The following HDAC9 variants were observed in gnomAD, a reference collection of about 807,000 sequenced individuals.
HDAC9 encodes histone deacetylase 9.
A neutral mutation model predicts 139.4 loss-of-function variants in HDAC9; 41 were observed. The observed-to-expected ratio is 0.29, with a 90% CI of 0.23 to 0.38. HDAC9 has a LOEUF of 0.38. HDAC9 is among the 10% of genes least tolerant of loss of function. The pLI is 1.00. For synonymous variants in HDAC9, 517 were observed against 476.2 expected, an observed-to-expected ratio of 1.09 and a Z score of -1.12; for missense variants, 1,147 against 1,297.0, an observed-to-expected ratio of 0.88 and a Z score of 1.78.
intron 2 of HDAC9, among the ~76,000 whole-genome samples, chr7:18,516,358 A>G (rs886197620): frequency 6.6e-6 from 1 of 152,208 alleles, no homozygotes; most frequent in Non-Finnish European, 1.5e-5. Flanking sequence ...TAAAAGGCCA[A>G]AATCACTTGA....
intron 1 of HDAC9, among the ~76,000 whole-genome samples, chr7:18,330,662 A>G (rs946178598): frequency 4.0e-5 from 6 of 151,502 alleles, no homozygotes; most frequent in Non-Finnish European, 8.9e-5. Flanking sequence ...AAAATAAGTC[A>G]CTTTTGGTTT....
intron 25 of HDAC9, among the ~76,000 whole-genome samples, chr7:18,983,850 C>T (rs1451445824): frequency 6.6e-6 from 1 of 152,080 alleles, no homozygotes; most frequent in African/African-American, 2.4e-5. Context: ...TACTCATGTC[C>T]ACATCAGGGC....
intron 1 of HDAC9, among the ~76,000 whole-genome samples, chr7:18,334,504 G>T (rs1163344089): frequency 6.6e-6 from 1 of 151,384 alleles, no homozygotes; most frequent in Non-Finnish European, 1.5e-5. Context: ...TTTGTCAAAT[G>T]CCAGAGGCAT....
intron 12 of HDAC9, among the ~76,000 whole-genome samples, chr7:18,691,698 A>C (rs1316159878): frequency 6.6e-6 from 1 of 152,108 alleles, no homozygotes; most frequent in East Asian, 1.9e-4. Flanking sequence ...TGTGTGTCAT[A>C]AATGGCAGTC....
At chr7:18,198,856 T>C (rs958022511) in intron 2 of HDAC9, among the ~76,000 whole-genome samples, 4 of 152,220 alleles carry the variant, frequency 2.6e-5, no homozygotes, top group Admixed American at 2.6e-4. Context: ...CTACTAGCAC[T>C]AACAACCAAC....
intron 25 of HDAC9, among the ~76,000 whole-genome samples, chr7:18,985,485 T>G (rs1427168923): frequency 6.6e-6 from 1 of 152,126 alleles, no homozygotes; most frequent in Non-Finnish European, 1.5e-5. Context: ...GACATTTGGG[T>G]TGGTTCCAAG....
chr7:18,714,787 T>C (rs375441372), intron 12 of HDAC9, among the ~76,000 whole-genome samples: 4 of 152,336 alleles, frequency 2.6e-5, no homozygotes, highest in African/African-American at 9.6e-5. Context: ...GGTGAATATT[T>C]GTCTCCCTCA....
chr7:18,820,063 A>G (rs1794849151), intron 17 of HDAC9, among the ~76,000 whole-genome samples: 1 of 152,212 alleles, frequency 6.6e-6, no homozygotes, highest in African/African-American at 2.4e-5. Flanking sequence ...AAATATGAAT[A>G]TATTCCCTTC....
At chr7:18,861,175 T>C (rs574137856) in intron 21 of HDAC9, among the ~76,000 whole-genome samples, 8 of 152,302 alleles carry the variant, frequency 5.3e-5, no homozygotes, top group South Asian at 2.1e-4. Context: ...TATGCTTTTA[T>C]ACAATAATGA....
rs189245301 is a variant in HDAC9 at position 18,433,130 on chromosome 7, C to A, written c.-41-63132C>A. Among the ~76,000 whole-genome samples, 321 of 152,120 alleles carry A rather than the reference C, an allele frequency of 2.1e-3. 2 individuals carry two copies. Among genetic ancestry groups the A allele is most frequent in the African/African-American group, 7.2e-3 (300 of 41,492 alleles). On this transcript the variant is annotated intron_variant, in intron 1 of 3. Coordinates refer to the HDAC9 transcript ENST00000413509. ...AAAATGATTCATCACATAAACATAACTAAAAACAAAAGCCACATGATCATC... is the reference window on the plus strand; with the variant it reads ...AAAATGATTCATCACATAAACATAAATAAAAACAAAAGCCACATGATCATC...
At chr7:18,851,351 A>T (rs1220674057) in intron 21 of HDAC9, 1 of 152,016 alleles carries the variant, frequency 6.6e-6, no homozygotes, top group Non-Finnish European at 1.5e-5. Context: ...CTCTCACGAG[A>T]TCTAATGGTT....
chr7:18,530,229 G>C (rs542187346), intron 2 of HDAC9, among the ~76,000 whole-genome samples: 15 of 152,248 alleles, frequency 9.9e-5, no homozygotes, highest in African/African-American at 3.6e-4. Flanking sequence ...TGCCACTCCT[G>C]TTCTGCCTGG....
intron 1 of HDAC9, among the ~76,000 whole-genome samples, chr7:18,374,189 A>G (rs985289891): frequency 6.8e-6 from 1 of 146,300 alleles, no homozygotes; most frequent in African/African-American, 2.6e-5. Context: ...TCTAGTGTGT[A>G]TGTATGTGTG....
upstream of HDAC9, among the ~76,000 whole-genome samples, chr7:18,490,796 T>A (rs1399595094): frequency 6.6e-6 from 1 of 151,876 alleles, no homozygotes; most frequent in Non-Finnish European, 1.5e-5. Context: ...TTAACAATAG[T>A]TTGAGGAATG....
At chr7:18,286,054 A>G (rs535890977), upstream of HDAC9, among the ~76,000 whole-genome samples, 1 of 152,170 alleles carries the variant, frequency 6.6e-6, no homozygotes, top group South Asian at 2.1e-4. Flanking sequence ...TTTTGTAGTC[A>G]AAATTGAAAG....
intron 2 of HDAC9, among the ~76,000 whole-genome samples, chr7:18,252,975 T>C (rs1413959401): frequency 6.6e-5 from 10 of 152,198 alleles, no homozygotes; most frequent in African/African-American, 1.9e-4. Flanking sequence ...GTTCTCCTCA[T>C]TTAGCTCCCA....
At chr7:18,437,561 A>G (rs1216210198) in intron 1 of HDAC9, among the ~76,000 whole-genome samples, 2 of 149,696 alleles carry the variant, frequency 1.3e-5, no homozygotes, top group Non-Finnish European at 3.0e-5. Flanking sequence ...AATTATATAT[A>G]TATAATCTGA....
intron 1 of HDAC9, among the ~76,000 whole-genome samples, chr7:18,332,558 G>C (rs569219268): frequency 6.6e-6 from 1 of 151,664 alleles, no homozygotes; most frequent in East Asian, 1.9e-4. Context: ...CATTGGAAGG[G>C]AGCTATGGCA....
rs769959811 is a variant in HDAC9 at position 18,591,624 on chromosome 7, A to G, written c.524A>G (p.His175Arg). 4.3e-6 allele frequency: 7 copies of G among 1,613,332 alleles called. No individual in the cohort carries two copies. In the Admixed American group the frequency reaches 1.2e-4, roughly 27 times the overall value. Residue 175 changes from histidine (H) to arginine (R), a missense_variant, in exon 5 of 26, where the codon CAT (histidine) becomes CGT (arginine). Physicochemically the swap from His to Arg is conservative, Grantham distance 29. Coordinates refer to ENST00000686413, the MANE Select transcript of HDAC9 (RefSeq NM_178425.4). ...TNGKNHSVSR[H>R]PKLWYTAAHH... is the part of the protein sequence containing the mutation. ...GGAAAAAATCATTCCGTGAGCCGCC[A>G]TCCCAAGCTCTGGTACACGTATGTT...
Sources: allele counts gnomAD v4.1 joint callset (sites outside exome capture counted in the v4.1 genomes callset), GRCh38; gene constraint gnomAD v4.1.1; transcripts MANE v1.5; gene names NCBI Gene and HGNC (gene_info 2026-07-23, HGNC 2026-07-21).